The following PFN1 variants were observed in gnomAD, a reference collection of about 807,000 sequenced individuals.
PFN1 encodes profilin 1, also known as profilin-1.
In PFN1, 2 loss-of-function variants were observed where a neutral mutation model predicts 11.7. The observed-to-expected ratio is 0.17, with a 90% CI of 0.07 to 0.54. The LOEUF (loss-of-function observed/expected upper bound fraction) is 0.54, where lower values mean the gene tolerates loss of function less well. Ranked by LOEUF, PFN1 falls within the 20% of genes least tolerant of loss-of-function variation. PFN1 has a pLI of 0.94. For missense variants in PFN1, 97 were observed against 188.4 expected, an observed-to-expected ratio of 0.51 and a Z score of 2.84; for synonymous variants, 78 against 76.2, an observed-to-expected ratio of 1.02 and a Z score of -0.12.
intron 2 of PFN1, among the ~76,000 whole-genome samples, chr17:4,946,384 C>A (rs1168957883): frequency 6.6e-6 from 1 of 152,130 alleles, no homozygotes; most frequent in Non-Finnish European, 1.5e-5. Context: ...AGTTTCTAAT[C>A]CGAGCTCAAG....
At chr17:4,946,074 G>GT in intron 2 of PFN1, 77 bp from the exon 3 acceptor site, 1 of 1,107,486 alleles carries the variant, frequency 9.0e-7, no homozygotes. Flanking sequence ...TTCAGCAGCT[G>GT]TCCAGCCCTG....
In PFN1 at chr17:4,947,054, G is replaced by C. The variant is rs1360961209; in HGVS notation, c.133-234C>G. On this transcript the variant is annotated intron_variant, in intron 1 of 2. Coordinates refer to ENST00000225655, the MANE Select transcript of PFN1 (RefSeq NM_005022.4). Reference sequence around the variant, plus strand: ...TAGAATATGGAACCAGGGAGGAAGGGATGACATACTCCTCTAGAGATTTAG... The same window carrying C: ...TAGAATATGGAACCAGGGAGGAAGGCATGACATACTCCTCTAGAGATTTAG... The C allele has an allele frequency of 2.3e-5, 10 of 437,318 alleles. No homozygotes were observed. The East Asian group carries it at 3.8e-4, about 16-fold the overall frequency. 27.1% of individuals were successfully genotyped at this position (437,318 alleles called of 1,614,324 possible). A position where few individuals can be genotyped will look rare whatever the true frequency, so the allele number is the denominator to read the frequency against.
Position 4,946,734 on chromosome 17 carries a change from C to T in PFN1, c.219G>A (p.Val73=), listed in dbSNP as rs1314415987. ...CATCCTGCAGCAGTGAGTCCCGGAT[C>T]ACCGAACATTTCTGGCCCCCAAGTG... is the stretch of plus-strand genomic sequence containing the variant. ...GLTLGGQKCS[V]IRDSLLQDGE... Residue 73 remains valine (V), a synonymous_variant, in exon 2 of 3, where the codon GTG becomes GTA. Coordinates refer to ENST00000225655, the MANE Select transcript of PFN1 (RefSeq NM_005022.4). 1.2e-6 allele frequency: 2 copies of T among 1,614,050 alleles called. No individual in the cohort carries two copies. Among genetic ancestry groups the T allele is most frequent in the African/African-American group, 2.7e-5 (2 of 74,932 alleles).
rs1302984653 is a variant in PFN1 at position 4,946,481 on chromosome 17, G to T, written c.325+147C>A. ...AGACAGAATGGAGGGACTATCCCGT[G>T]TTCCAGCATCCAGCAGACAAGGAAC... On this transcript the variant is annotated intron_variant, in intron 2 of 2. Coordinates refer to ENST00000225655, the MANE Select transcript of PFN1 (RefSeq NM_005022.4). 6 of 635,558 alleles carry T rather than the reference G, an allele frequency of 9.4e-6. No individual in the cohort carries two copies. In the East Asian group the frequency reaches 1.6e-4, roughly 17 times the overall value. 39.4% of individuals were successfully genotyped at this position (635,558 alleles called of 1,614,324 possible).
Position 4,945,890 on chromosome 17 carries a change from A to C in PFN1, c.*10T>G, listed in dbSNP as rs1374058259. The C allele has an allele frequency of 6.5e-7, 1 of 1,539,180 alleles. No homozygotes were observed. Among genetic ancestry groups the C allele is most frequent in the Admixed American group, 1.7e-5 (1 of 59,902 alleles). ...TGTGGGGAGCGGTGAAGGGGAAGGG[A>C]CAGACGAGGTCAGTACTGGGAACGC... On this transcript the variant is annotated 3_prime_UTR_variant, in exon 3 of 3. Transcript: ENST00000225655.
In PFN1 at chr17:4,948,477, A is replaced by G. The variant is rs781559312; in HGVS notation, c.-83T>C. On this transcript the variant is annotated 5_prime_UTR_variant, in exon 1 of 3. Transcript: ENST00000225655. The stretch of plus-strand genomic sequence containing the variant: ...GCTGCCTCGGCTGGCGGGCGGGGGG[A>G]GGCGGAGAGCTCGGGGCACGCGCTG... 2 of 1,426,848 alleles carry G rather than the reference A, an allele frequency of 1.4e-6. No individual in the cohort carries two copies. The highest frequency in any genetic ancestry group is 5.5e-5 in the Admixed American group (2 of 36,206). 88.4% of individuals were successfully genotyped at this position (1,426,848 alleles called of 1,614,324 possible).
intron 2 of PFN1, 89 bp from the exon 3 acceptor site, chr17:4,946,086 G>C: frequency 1.0e-6 from 1 of 973,132 alleles, no homozygotes; most frequent in Non-Finnish European, 1.6e-6. Flanking sequence ...CCAGCCCTGG[G>C]GGCTGTAACC....
At chr17:4,946,508 C>G in intron 2 of PFN1, 120 bp downstream of exon 2, 1 of 734,026 alleles carries the variant, frequency 1.4e-6, no homozygotes, top group Non-Finnish European at 2.3e-6. Context: ...ACAAGGAACA[C>G]AATACTGGTC....
chr17:4,948,226 C>G lies in PFN1; in HGVS notation c.132+37G>C, dbSNP rs1597690189. The stretch of plus-strand genomic sequence containing the variant: ...CAAGTCCCTCCCTCAGGGTCCAAAC[C>G]GGAGCAGTGCCCCGGACCGCGCAGG... On this transcript the variant is annotated intron_variant, in intron 1 of 2. Transcript: ENST00000225655. 5 of 1,572,322 alleles carry G rather than the reference C, an allele frequency of 3.2e-6. No homozygotes were observed. In the East Asian group the frequency reaches 1.2e-4, roughly 38 times the overall value.
At position 4,948,494 on chromosome 17, in the gene PFN1, C is replaced by A. The variant is rs568361414; in HGVS notation, c.-100G>T. 184 of 1,338,814 alleles carry A rather than the reference C, an allele frequency of 1.4e-4. No individual in the cohort carries two copies. The African/African-American group carries it at 1.7e-3, about 13-fold the overall frequency. The allele number at this position is 1,338,814 out of a possible 1,614,324, so 82.9% of individuals were successfully genotyped here. A position where few individuals can be genotyped will look rare whatever the true frequency, so the allele number is the denominator to read the frequency against. ...GCGGGGGGAGGCGGAGAGCTCGGGG[C>A]ACGCGCTGCCGTCCGGACCGCGGCT... is the stretch of plus-strand genomic sequence containing the variant. On this transcript the variant is annotated 5_prime_UTR_variant, in exon 1 of 3. Coordinates refer to ENST00000225655, the MANE Select transcript of PFN1 (RefSeq NM_005022.4).
chr17:4,945,804 G>T lies in PFN1; in HGVS notation c.*96C>A. ...GGTTTTGGCAGCAATAAGGGGTATG[G>T]GGTAATGGCCCAAAAAATAAAATGG... is the stretch of plus-strand genomic sequence containing the variant. On this transcript the variant is annotated 3_prime_UTR_variant, in exon 3 of 3. Coordinates refer to ENST00000225655, the MANE Select transcript of PFN1 (RefSeq NM_005022.4). The T allele has an allele frequency of 1.2e-6, 1 of 822,866 alleles. No homozygotes were observed. Among genetic ancestry groups the T allele is most frequent in the East Asian group, 2.6e-5 (1 of 38,432 alleles). 51.0% of individuals were successfully genotyped at this position (822,866 alleles called of 1,614,324 possible).
At position 4,946,226 on chromosome 17, in the gene PFN1, G is replaced by A. The variant is rs78068573; in HGVS notation, c.326-229C>T. 9.0e-3 allele frequency among the ~76,000 whole-genome samples: 1,367 copies of A among 152,044 alleles called. 23 individuals carry two copies. Among genetic ancestry groups the A allele is most frequent in the African/African-American group, 0.031 (1,296 of 41,440 alleles). On this transcript the variant is annotated intron_variant, in intron 2 of 2. Coordinates refer to ENST00000225655, the MANE Select transcript of PFN1 (RefSeq NM_005022.4). The stretch of plus-strand genomic sequence containing the variant: ...GGAGAGGAACAGACTAAAAACTTAG[G>A]GGTCAAAGGCTCATAGACTGTTGAT...
intron 2 of PFN1, 150 bp downstream of exon 2, chr17:4,946,478 C>T (rs1038015306): frequency 6.4e-6 from 4 of 623,200 alleles, no homozygotes; most frequent in Admixed American, 3.2e-5. Flanking sequence ...GGGACTATCC[C>T]GTGTTCCAGC....
Position 4,948,503 on chromosome 17 carries a change from C to T in PFN1, c.-109G>A. 8.0e-7 allele frequency: 1 copy of T among 1,243,958 alleles called. No individual in the cohort carries two copies. Among genetic ancestry groups the T allele is most frequent in the Non-Finnish European group, 1.1e-6 (1 of 948,440 alleles). 77.1% of individuals were successfully genotyped at this position (1,243,958 alleles called of 1,614,324 possible). ...GGCGGAGAGCTCGGGGCACGCGCTG[C>T]CGTCCGGACCGCGGCTCCGCTCGCT... is the stretch of plus-strand genomic sequence containing the variant. On this transcript the variant is annotated 5_prime_UTR_variant, in exon 1 of 3. Coordinates refer to ENST00000225655, the MANE Select transcript of PFN1 (RefSeq NM_005022.4).
rs778846806 is a variant in PFN1 at position 4,946,003 on chromosome 17, G to A, written c.326-6C>T. 1 of 1,604,896 alleles carries A rather than the reference G, an allele frequency of 6.2e-7. No homozygotes were observed. Among genetic ancestry groups the A allele is most frequent in the Non-Finnish European group, 8.5e-7 (1 of 1,171,802 alleles). On this transcript the variant is annotated splice_region_variant and splice_polypyrimidine_tract_variant and intron_variant, in intron 2 of 2. Coordinates refer to ENST00000225655, the MANE Select transcript of PFN1 (RefSeq NM_005022.4). ...GCCCATCAGCAGGACTAGCGCTGGA[G>A]GAGGAGGAAAGAGAAAGGAGGCTAG... is the stretch of plus-strand genomic sequence containing the variant.
rs1348886680 is a variant in PFN1, at chr17:4,948,519, T to A, written c.-125A>T. On this transcript the variant is annotated 5_prime_UTR_variant, in exon 1 of 3. Transcript: ENST00000225655. Reference sequence around the variant, plus strand: ...CACGCGCTGCCGTCCGGACCGCGGCTCCGCTCGCTGTGCAGCAGCCCTCGC... The same window carrying A: ...CACGCGCTGCCGTCCGGACCGCGGCACCGCTCGCTGTGCAGCAGCCCTCGC... 1.8e-6 allele frequency: 2 copies of A among 1,113,544 alleles called. No homozygotes were observed. Among genetic ancestry groups the A allele is most frequent in the Non-Finnish European group, 2.4e-6 (2 of 834,026 alleles). 69.0% of individuals were successfully genotyped at this position (1,113,544 alleles called of 1,614,324 possible). A position where few individuals can be genotyped will look rare whatever the true frequency, so the allele number is the denominator to read the frequency against.
chr17:4,946,178 G>T (rs1971387182), intron 2 of PFN1, among the ~76,000 whole-genome samples, 181 bp from the exon 3 acceptor site: 1 of 121,980 alleles, frequency 8.2e-6, no homozygotes, highest in Non-Finnish European at 1.6e-5. Context: ...CTTTTCAAAA[G>T]AGGAAAATCA....
chr17:4,945,653 T>C lies in PFN1; in HGVS notation c.*247A>G, dbSNP rs140057352. On this transcript the variant is annotated 3_prime_UTR_variant, in exon 3 of 3. Coordinates refer to ENST00000225655, the MANE Select transcript of PFN1 (RefSeq NM_005022.4). Reference sequence around the variant, plus strand: ...CCCAAGCTCAAATCACACAGCACCTTGTTAGTAGAATCTTTTTTATTCAGA... The same window carrying C: ...CCCAAGCTCAAATCACACAGCACCTCGTTAGTAGAATCTTTTTTATTCAGA... 9.0e-4 allele frequency: 353 copies of C among 392,818 alleles called. 1 individual carries two copies. Among genetic ancestry groups the C allele is most frequent in the Non-Finnish European group, 1.2e-3 (265 of 214,446 alleles). The allele number at this position is 392,818 out of a possible 1,614,324, so 24.3% of individuals were successfully genotyped here.
rs1343125279 is a variant in PFN1, at chr17:4,947,073, G to A, written c.133-253C>T. On this transcript the variant is annotated intron_variant, in intron 1 of 2. Transcript: ENST00000225655. ...GGAAGGGATGACATACTCCTCTAGAGATTTAGATGTCAGTGTTAATGGGGA... is the reference window on the plus strand; with the variant it reads ...GGAAGGGATGACATACTCCTCTAGAAATTTAGATGTCAGTGTTAATGGGGA... 2.6e-5 allele frequency: 9 copies of A among 352,392 alleles called. 1 individual carries two copies. The highest frequency in any genetic ancestry group is 3.1e-5 in the Non-Finnish European group (6 of 195,106). The allele number at this position is 352,392 out of a possible 1,614,324, so 21.8% of individuals were successfully genotyped here.
Sources: allele counts gnomAD v4.1 joint callset (sites outside exome capture counted in the v4.1 genomes callset), GRCh38; gene constraint gnomAD v4.1.1; transcripts MANE v1.5; gene names NCBI Gene and HGNC (gene_info 2026-07-23, HGNC 2026-07-21).